The following DNER variants were observed in gnomAD, a reference collection of about 807,000 sequenced individuals.
DNER encodes the protein delta and Notch-like epidermal growth factor-related receptor.
A neutral mutation model predicts 78.2 loss-of-function variants in DNER; 33 were observed. That is an observed-to-expected ratio of 0.42 (90% CI 0.32 to 0.56). The LOEUF (loss-of-function observed/expected upper bound fraction) is 0.56, where lower values mean the gene tolerates loss of function less well. Among genes scored for constraint, DNER ranks in the 20% least tolerant of loss-of-function variants. DNER has a pLI of 0.11. For synonymous variants in DNER, 417 were observed against 384.8 expected (o/e 1.08, Z -0.98); for missense variants, 918 against 975.3 (o/e 0.94, Z 0.78).
At chr2:229,415,210 T>C (rs951901170) in intron 9 of DNER, among the ~76,000 whole-genome samples, 8 of 151,362 alleles carry the variant, frequency 5.3e-5, no homozygotes, top group African/African-American at 1.9e-4. Flanking sequence ...CTGGAAGCAG[T>C]GGGGTCTCTG....
At chr2:229,387,657 T>C (rs1692921377) in intron 11 of DNER, among the ~76,000 whole-genome samples, 1 of 152,170 alleles carries the variant, frequency 6.6e-6, no homozygotes, top group African/African-American at 2.4e-5. Context: ...CTAGTAGATA[T>C]ATTGTTTTAA....
chr2:229,665,927 T>C (rs1243068234), intron 1 of DNER, among the ~76,000 whole-genome samples: 1 of 152,178 alleles, frequency 6.6e-6, no homozygotes, highest in Non-Finnish European at 1.5e-5. Flanking sequence ...CTCAACTCAA[T>C]TCCAATCACT....
At chr2:229,712,512 T>G (rs910340346) in intron 1 of DNER, among the ~76,000 whole-genome samples, 1 of 152,170 alleles carries the variant, frequency 6.6e-6, no homozygotes, top group Non-Finnish European at 1.5e-5. Context: ...AATCAACTAT[T>G]TCTTTGAAGG....
In DNER at chr2:229,621,431, C is replaced by T. The variant is rs77891076; in HGVS notation, c.277-29543G>A. On this transcript the variant is annotated intron_variant, in intron 1 of 12. Transcript: ENST00000341772. Reference sequence around the variant, plus strand: ...CGATGCTACTTCCCAGCCATGCCCACTGCAATACTTCCCACACTTCCCACC... The same window carrying T: ...CGATGCTACTTCCCAGCCATGCCCATTGCAATACTTCCCACACTTCCCACC... 9.8e-3 allele frequency among the ~76,000 whole-genome samples: 1,486 copies of T among 152,280 alleles called. 22 individuals carry two copies. Among genetic ancestry groups the T allele is most frequent in the African/African-American group, 0.034 (1,428 of 41,550 alleles).
chr2:229,586,604 A>G, intron 3 of DNER: 2 of 971,962 alleles, frequency 2.1e-6, no homozygotes, highest in Non-Finnish European at 2.4e-6. Flanking sequence ...CATCAACCCC[A>G]ACCCCAACCC....
At chr2:229,664,790 A>G (rs1380965992) in intron 1 of DNER, among the ~76,000 whole-genome samples, 6 of 152,222 alleles carry the variant, frequency 3.9e-5, no homozygotes, top group Non-Finnish European at 1.5e-5. Flanking sequence ...AAAACAAGGC[A>G]TTCTCCAAAG....
chr2:229,358,568 A>G lies in DNER; in HGVS notation c.2186T>C (p.Val729Ala), dbSNP rs761071136. 3.7e-6 allele frequency: 6 copies of G among 1,613,646 alleles called. No individual in the cohort carries two copies. In the Admixed American group the frequency reaches 1.0e-4, roughly 27 times the overall value. Reference protein sequence around the residue: ...EDYSPDDKPLVTLIKTKDL With the variant: ...EDYSPDDKPLATLIKTKDL Reference sequence around the variant, plus strand: ...CAAATCTTTAGTTTTAATCAGTGTGACCAAGGGTTTGTCATCAGGACTGTA... The same window carrying G: ...CAAATCTTTAGTTTTAATCAGTGTGGCCAAGGGTTTGTCATCAGGACTGTA... The change falls in exon 13 of 13, where the codon GTC becomes GCC. Residue 729 changes from valine (V) to alanine (A), a missense_variant. Transcript: ENST00000341772.
At chr2:229,557,562 G>A (rs1414077476) in intron 4 of DNER, among the ~76,000 whole-genome samples, 5 of 152,052 alleles carry the variant, frequency 3.3e-5, no homozygotes, top group Non-Finnish European at 5.9e-5. Context: ...AGGCAATGAA[G>A]GTGCCCCAAT....
intron 1 of DNER, among the ~76,000 whole-genome samples, chr2:229,710,293 C>T (rs1412412972): frequency 1.3e-5 from 2 of 152,216 alleles, no homozygotes; most frequent in Non-Finnish European, 2.9e-5. Context: ...ATAGCTCTTG[C>T]TCCCTATTGT....
intron 8 of DNER, among the ~76,000 whole-genome samples, chr2:229,426,072 TG>T (rs1453444315): frequency 6.6e-6 from 1 of 152,120 alleles, no homozygotes; most frequent in Non-Finnish European, 1.5e-5. Flanking sequence ...GGATAAAATG[TG>T]AAAACCCATG....
In DNER at chr2:229,620,114, G is replaced by A. The variant is rs139442067; in HGVS notation, c.277-28226C>T. On this transcript the variant is annotated intron_variant, in intron 1 of 12. Coordinates refer to ENST00000341772, the MANE Select transcript of DNER (RefSeq NM_139072.4). ...CGGGAAGTTTGTTCAGAACCAAAGC[G>A]ACTCGGATGGGCACCCTCTCAGCCT... is the stretch of plus-strand genomic sequence containing the variant. Among the ~76,000 whole-genome samples the A allele has an allele frequency of 2.7e-3, 409 of 152,294 alleles. 1 individual carries two copies. Among genetic ancestry groups the A allele is most frequent in the Non-Finnish European group, 3.6e-3 (247 of 68,030 alleles).
intron 1 of DNER, among the ~76,000 whole-genome samples, chr2:229,681,079 C>T (rs998536188): frequency 6.6e-6 from 1 of 152,204 alleles, no homozygotes; most frequent in African/African-American, 2.4e-5. Flanking sequence ...TAACAACCAG[C>T]TCTCTGAGGA....
intron 5 of DNER, among the ~76,000 whole-genome samples, chr2:229,519,707 G>A (rs141960735): frequency 2.0e-5 from 3 of 152,126 alleles, no homozygotes; most frequent in Non-Finnish European, 4.4e-5. Flanking sequence ...CAGAAGATGC[G>A]TGTGGGGAGG....
intron 1 of DNER, among the ~76,000 whole-genome samples, chr2:229,700,196 G>C (rs1422427852): frequency 6.6e-6 from 1 of 151,986 alleles, no homozygotes; most frequent in Non-Finnish European, 1.5e-5. Context: ...TATGCTGTCA[G>C]TAAATTTGCA....
intron 4 of DNER, among the ~76,000 whole-genome samples, chr2:229,556,917 T>C (rs1455591661): frequency 1.3e-5 from 2 of 152,348 alleles, no homozygotes; most frequent in Non-Finnish European, 2.9e-5. Context: ...GGAGGCTCCT[T>C]CCAGGTAAAA....
chr2:229,425,592 T>C (rs915938589), intron 8 of DNER, among the ~76,000 whole-genome samples: 3 of 152,120 alleles, frequency 2.0e-5, no homozygotes, highest in African/African-American at 7.2e-5. Flanking sequence ...CTCAACACTG[T>C]CGCAAGGCAG....
At chr2:229,545,939 A>G (rs1466407010) in intron 5 of DNER, among the ~76,000 whole-genome samples, 3 of 152,242 alleles carry the variant, frequency 2.0e-5, no homozygotes, top group Non-Finnish European at 4.4e-5. Context: ...GGCACACAAC[A>G]GTCCCCAAAA....
At chr2:229,503,672 A>G (rs758318504) in intron 6 of DNER, among the ~76,000 whole-genome samples, 1 of 152,194 alleles carries the variant, frequency 6.6e-6, no homozygotes, top group Non-Finnish European at 1.5e-5. Flanking sequence ...GACTGGACTG[A>G]TAACTAATGA....
Position 229,388,390 on chromosome 2 carries a change from T to G in DNER, c.1730A>C (p.Glu577Ala). 6.2e-7 allele frequency: 1 copy of G among 1,608,562 alleles called. No individual in the cohort carries two copies. The change falls in exon 11 of 13, where the codon GAG becomes GCG. Residue 577 changes from glutamate (E) to alanine (A), a missense_variant. Physicochemically the swap from Glu to Ala is moderately radical, Grantham distance 107. Coordinates refer to ENST00000341772, the MANE Select transcript of DNER (RefSeq NM_139072.4). ...ACATTCATTTATGTCAATGTCGCAC[T>G]CTTCACCTAGGGAGATAAGAAAAAG... The part of the protein sequence containing the change: ...CICAPGFTGE[E>A]CDIDINECDS...
Sources: gnomAD v4.1 joint callset for allele counts (sites outside exome capture counted in the v4.1 genomes callset) on GRCh38, gnomAD v4.1.1 for gene constraint, MANE v1.5 for transcripts, NCBI Gene and HGNC (gene_info 2026-07-23, HGNC 2026-07-21) for gene names.